The following MICAL2 variants were observed in gnomAD, a reference collection of about 807,000 sequenced individuals.
MICAL2 encodes microtubule associated monooxygenase, calponin and LIM domain containing 2.
Under a neutral mutation model 127.3 loss-of-function variants are expected in MICAL2, and 77 were observed. The observed-to-expected ratio is 0.60, with a 90% CI of 0.50 to 0.73. MICAL2 has a LOEUF of 0.73. MICAL2 is among the 30% of genes least tolerant of loss of function. The pLI, the probability that MICAL2 is intolerant of heterozygous loss-of-function variation, is 0.00. For missense variants in MICAL2, 1,351 were observed against 1,434.4 expected (o/e 0.94, Z 0.94); for synonymous variants, 570 against 551.1 (o/e 1.03, Z -0.48).
rs1859871885 is a variant in MICAL2, at chr11:12,241,104, C to T, written c.2279C>T (p.Ser760Phe). Reference sequence around the variant, plus strand: ...TCTTCCTCCGGCCCTCCTGTTCACTCTTGCTGCCCCAAGCCGGAGGAGGCC... The same window carrying T: ...TCTTCCTCCGGCCCTCCTGTTCACTTTTGCTGCCCCAAGCCGGAGGAGGCC... ...LCSSSGPPVH[S>F]CCPKPEEATP... The change falls in exon 18 of 28, where the codon TCT becomes TTT. Residue 760 changes from serine (S) to phenylalanine (F), a missense_variant. Coordinates refer to ENST00000683283, the MANE Select transcript of MICAL2 (RefSeq NM_001282663.2). 1.2e-6 allele frequency: 2 copies of T among 1,614,202 alleles called. No individual in the cohort carries two copies. The highest frequency in any genetic ancestry group is 1.3e-5 in the African/African-American group (1 of 75,058).
chr11:12,293,268 G>A (rs1436667620), downstream of MICAL2, among the ~76,000 whole-genome samples: 1 of 152,154 alleles, frequency 6.6e-6, no homozygotes, highest in Non-Finnish European at 1.5e-5. Flanking sequence ...ATCAACAGCA[G>A]TGTCCTACCT....
chr11:12,179,269 G>T (rs1857171934), intron 3 of MICAL2, among the ~76,000 whole-genome samples: 1 of 152,072 alleles, frequency 6.6e-6, no homozygotes. Context: ...TCCTCCACCT[G>T]CCTCTGCCCA....
chr11:12,148,135 C>T (rs986112), intron 2 of MICAL2, among the ~76,000 whole-genome samples: 69,687 of 151,982 alleles, frequency 0.46, 16,956 homozygotes, highest in South Asian at 0.68. Flanking sequence ...CATGTCTTGG[C>T]ACTCACCTCC....
chr11:12,338,883 T>C (rs1472427559), intron 32 of MICAL2, among the ~76,000 whole-genome samples: 1 of 152,212 alleles, frequency 6.6e-6, no homozygotes, highest in African/African-American at 2.4e-5. Context: ...TGGCTGCCCT[T>C]AACATTTTTT....
intron 32 of MICAL2, among the ~76,000 whole-genome samples, chr11:12,336,094 G>A (rs908030503): frequency 1.1e-4 from 17 of 152,134 alleles, no homozygotes; most frequent in African/African-American, 3.6e-4. Flanking sequence ...AGCATGGAAC[G>A]TTCTTCCATT....
chr11:12,337,106 T>C (rs1440178164), intron 32 of MICAL2, among the ~76,000 whole-genome samples: 1 of 152,234 alleles, frequency 6.6e-6, no homozygotes, highest in Non-Finnish European at 1.5e-5. Flanking sequence ...GTTGGTAAGC[T>C]ATTAATTATT....
At chr11:12,127,677 T>C (rs1851056977) in intron 1 of MICAL2, among the ~76,000 whole-genome samples, 1 of 152,180 alleles carries the variant, frequency 6.6e-6, no homozygotes, top group South Asian at 2.1e-4. Flanking sequence ...CCACAGTTGA[T>C]CCTCTTCGAC....
chr11:12,209,125 T>C (rs12807026), intron 5 of MICAL2, among the ~76,000 whole-genome samples: 25,402 of 152,224 alleles, frequency 0.17, 2,274 homozygotes, highest in Non-Finnish European at 0.19. Context: ...CTTTTGGGTC[T>C]GTTTAGCAAT....
At chr11:12,169,179 G>A (rs1337389955) in intron 3 of MICAL2, among the ~76,000 whole-genome samples, 1 of 151,744 alleles carries the variant, frequency 6.6e-6, no homozygotes, top group African/African-American at 2.4e-5. Context: ...TGTGTGTTAT[G>A]GATGCATGCA....
At chr11:12,281,514 C>G (rs918451067) in intron 2 of MICAL2, among the ~76,000 whole-genome samples, 8 of 152,164 alleles carry the variant, frequency 5.3e-5, no homozygotes, top group African/African-American at 1.9e-4. Flanking sequence ...ACATGCAGCC[C>G]TGGATGGCAT....
At chr11:12,331,729 A>G (rs1208960991) in intron 32 of MICAL2, among the ~76,000 whole-genome samples, 3 of 152,356 alleles carry the variant, frequency 2.0e-5, no homozygotes, top group African/African-American at 4.8e-5. Context: ...TGTAAAATTG[A>G]ATGAATAATA....
intron 6 of MICAL2, 81 bp from the exon 7 acceptor site, chr11:12,213,174 G>A (rs1855720312): frequency 1.4e-6 from 2 of 1,468,924 alleles, no homozygotes; most frequent in Non-Finnish European, 9.2e-7. Flanking sequence ...AGGCATCTGG[G>A]AACAGCTCTC....
chr11:12,262,309 A>T (rs1311422756), intron 26 of MICAL2, 171 bp from the exon 27 acceptor site: 13 of 1,455,386 alleles, frequency 8.9e-6, no homozygotes, highest in African/African-American at 7.1e-5. Context: ...AGAAAGGTTC[A>T]TCTCTCCTAA....
chr11:12,111,333 C>G (rs974208109), intron 1 of MICAL2, among the ~76,000 whole-genome samples: 2 of 152,240 alleles, frequency 1.3e-5, no homozygotes, highest in Non-Finnish European at 2.9e-5. Context: ...CTCCCGCATC[C>G]CCAGTAGCCC....
chr11:12,205,030 T>A (rs1347424622), intron 4 of MICAL2, among the ~76,000 whole-genome samples: 2 of 152,220 alleles, frequency 1.3e-5, no homozygotes, highest in Non-Finnish European at 2.9e-5. Flanking sequence ...TGGATCCTTG[T>A]TTCCTGATGG....
chr11:12,309,617 T>A (rs772905779), intron 29 of MICAL2, among the ~76,000 whole-genome samples: 9 of 152,162 alleles, frequency 5.9e-5, no homozygotes, highest in Non-Finnish European at 1.3e-4. Flanking sequence ...TCTTGGCTAT[T>A]CTGCTGCAAT....
chr11:12,177,861 C>T (rs1672205297), intron 3 of MICAL2, among the ~76,000 whole-genome samples: 1 of 152,170 alleles, frequency 6.6e-6, no homozygotes, highest in Non-Finnish European at 1.5e-5. Flanking sequence ...GATGACTCTC[C>T]ACATTTCTAT....
At chr11:12,310,427 G>A (rs1178596655) in intron 29 of MICAL2, among the ~76,000 whole-genome samples, 1 of 152,076 alleles carries the variant, frequency 6.6e-6, no homozygotes, top group African/African-American at 2.4e-5. Context: ...ATTTATTTAA[G>A]AAACTATCCA....
intron 3 of MICAL2, among the ~76,000 whole-genome samples, chr11:12,166,799 G>C (rs1443015602): frequency 6.6e-6 from 1 of 152,054 alleles, no homozygotes; most frequent in Non-Finnish European, 1.5e-5. Context: ...CTGTGACAGG[G>C]GTAGTCTGGG....
Sources: allele counts gnomAD v4.1 joint callset (sites outside exome capture counted in the v4.1 genomes callset), GRCh38; gene constraint gnomAD v4.1.1; transcripts MANE v1.5; gene names NCBI Gene and HGNC (gene_info 2026-07-23, HGNC 2026-07-21).